Variants in GLYR1 observed in about 807,000 individuals in gnomAD.
GLYR1 encodes the protein cytokine-like nuclear factor N-PAC.
Under a neutral mutation model 72.7 loss-of-function variants are expected in GLYR1, and 21 were observed. The ratio of observed to expected loss-of-function variants is 0.29; its 90% CI spans 0.20 to 0.42. The LOEUF (loss-of-function observed/expected upper bound fraction) is 0.42. GLYR1 is among the 10% of genes least tolerant of loss of function. The pLI, the probability that GLYR1 is intolerant of heterozygous loss-of-function variation, is 1.00. For synonymous variants in GLYR1, 392 were observed against 270.2 expected, an observed-to-expected ratio of 1.45 and a Z score of -4.42; for missense variants, 594 against 712.1, an observed-to-expected ratio of 0.83 and a Z score of 1.89.
chr16:4,821,591 C>G lies in GLYR1; in HGVS notation c.688G>C (p.Val230Leu), dbSNP rs754930805. The part of the protein sequence containing the change: ...FLLSQTEKPA[V>L]CYQAITKKLK... ...TTCTTCGTGATTGCCTGGTAACAGACAGCTGGCTAATGAAGGAGGAGGAAA... is the reference window on the plus strand; with the variant it reads ...TTCTTCGTGATTGCCTGGTAACAGAGAGCTGGCTAATGAAGGAGGAGGAAA... The change falls in exon 8 of 16, where the codon GTC becomes CTC. Residue 230 changes from valine to leucine, a missense_variant. This residue lies in a region of GLYR1 where 252 missense variants were observed against 211.3 expected (regional missense o/e 1.19). Transcript: ENST00000321919. 6.2e-7 allele frequency: 1 copy of G among 1,613,974 alleles called. No individual in the cohort carries two copies. Among genetic ancestry groups the G allele is most frequent in the South Asian group, 1.1e-5 (1 of 91,070 alleles).
intron 10 of GLYR1, 99 bp from the exon 11 acceptor site, chr16:4,814,746 C>A: frequency 2.1e-6 from 2 of 968,414 alleles, no homozygotes; most frequent in Non-Finnish European, 3.2e-6. Flanking sequence ...GGCGGCCTAC[C>A]AAGGCAGGAG....
chr16:4,827,696 C>T (rs563345162), intron 5 of GLYR1, among the ~76,000 whole-genome samples: 1 of 152,152 alleles, frequency 6.6e-6, no homozygotes, highest in South Asian at 2.1e-4. Context: ...GTCAGGAGAT[C>T]GACACCATCC....
At chr16:4,813,454 C>G (rs1683867035) in intron 12 of GLYR1, among the ~76,000 whole-genome samples, 1 of 152,194 alleles carries the variant, frequency 6.6e-6, no homozygotes, top group Non-Finnish European at 1.5e-5. Context: ...GACAGCTGCT[C>G]AAACCCCAAT....
intron 13 of GLYR1, 50 bp from the exon 14 acceptor site, chr16:4,811,852 G>T (rs755201543): frequency 3.8e-6 from 6 of 1,570,428 alleles, no homozygotes; most frequent in Non-Finnish European, 5.2e-6. Context: ...CCACAGACAG[G>T]GCTTCTCTGT....
At position 4,832,872 on chromosome 16, in the gene GLYR1, G is replaced by A. The variant is rs752513322; in HGVS notation, c.196C>T (p.His66Tyr). The change falls in exon 4 of 16, where the codon CAT (histidine) becomes TAT (tyrosine). Residue 66 changes from histidine (H) to tyrosine (Y), a missense_variant. Physicochemically the swap from His to Tyr is moderately conservative, Grantham distance 83 (BLOSUM62 2). Transcript: ENST00000321919. ...TTAATTTTTATCATTTCCTCTTTAT[G>A]AGCATGATATGGCTTCAGCTGTTCC... Reference protein sequence around the residue: ...KVEQLKPYHAHKEEMIKINKG... With the variant: ...KVEQLKPYHAYKEEMIKINKG... 13 of 1,613,308 alleles carry A rather than the reference G, an allele frequency of 8.1e-6. No individual in the cohort carries two copies. The Admixed American group carries it at 1.7e-4, about 21-fold the overall frequency.
intron 5 of GLYR1, 69 bp downstream of exon 5, chr16:4,831,910 G>A: frequency 1.9e-6 from 3 of 1,557,312 alleles, no homozygotes; most frequent in East Asian, 2.2e-5. Flanking sequence ...TAAGCATACT[G>A]TAGAGCTTAA....
chr16:4,817,888 T>C (rs2083750298), intron 9 of GLYR1, 191 bp from the exon 10 acceptor site: 3 of 569,812 alleles, frequency 5.3e-6, no homozygotes, highest in East Asian at 3.0e-5. Flanking sequence ...TATGCCATGG[T>C]CTAAAGCTGT....
chr16:4,808,546 C>T (rs972252260), intron 15 of GLYR1, among the ~76,000 whole-genome samples: 2 of 151,108 alleles, frequency 1.3e-5, no homozygotes, highest in East Asian at 2.0e-4. Flanking sequence ...TGCAGTGAGC[C>T]GAGATTACAC....
chr16:4,813,651 G>T, intron 12 of GLYR1, 86 bp downstream of exon 12: 3 of 1,175,944 alleles, frequency 2.6e-6, no homozygotes, highest in Non-Finnish European at 3.7e-6. Context: ...TGGCTCTAGA[G>T]TAACTTAACT....
chr16:4,826,627 G>T (rs2084394954), intron 5 of GLYR1, among the ~76,000 whole-genome samples: 1 of 152,152 alleles, frequency 6.6e-6, no homozygotes, highest in South Asian at 2.1e-4. Flanking sequence ...AGGTTTTTGG[G>T]GGAAAAGAAA....
chr16:4,831,446 C>T (rs148359803), intron 5 of GLYR1, among the ~76,000 whole-genome samples: 28 of 152,258 alleles, frequency 1.8e-4, no homozygotes, highest in African/African-American at 4.6e-4. Context: ...TCCTTTTTCT[C>T]GGCTTTCCTC....
intron 3 of GLYR1, among the ~76,000 whole-genome samples, chr16:4,835,587 T>C (rs953271389): frequency 1.3e-5 from 2 of 152,168 alleles, no homozygotes; most frequent in African/African-American, 4.8e-5. Flanking sequence ...TCCTAGCACT[T>C]TGGGAGGCCG....
intron 11 of GLYR1, 167 bp from the exon 12 acceptor site, chr16:4,814,005 C>T (rs576312968): frequency 4.5e-5 from 23 of 511,704 alleles, no homozygotes; most frequent in African/African-American, 1.4e-4. Flanking sequence ...AAGTACTTCC[C>T]GCATGCTCCC....
chr16:4,847,066 GC>G (rs1242909478), intron 1 of GLYR1, 161 bp downstream of exon 1: 2 of 670,422 alleles, frequency 3.0e-6, no homozygotes, highest in African/African-American at 3.7e-5. Flanking sequence ...GGACTGGACT[GC>G]CCCTTCCGCC....
chr16:4,804,967 G>A lies in GLYR1; in HGVS notation c.*269C>T. 1 of 541,442 alleles carries A rather than the reference G, an allele frequency of 1.8e-6. No homozygotes were observed. The highest frequency in any genetic ancestry group is 3.4e-6 in the Non-Finnish European group (1 of 298,048). 33.5% of individuals were successfully genotyped at this position (541,442 alleles called of 1,614,324 possible). On this transcript the variant is annotated 3_prime_UTR_variant, in exon 16 of 16. Transcript: ENST00000321919. ...TGTGTGTGTGTGTGTGTGTGTGTGT[G>A]TGTGAACACACAGCCACCTCGTCCG...
chr16:4,811,701 C>T lies in GLYR1; in HGVS notation c.1384G>A (p.Gly462Ser), dbSNP rs1438956487. 1.2e-6 allele frequency: 2 copies of T among 1,614,104 alleles called. No individual in the cohort carries two copies. Among genetic ancestry groups the T allele is most frequent in the African/African-American group, 1.3e-5 (1 of 74,934 alleles). Reference sequence around the variant, plus strand: ...TCCAAGAGTGTCTGCTGGGACTGGCCTGTCACCTGGGCCAGGGTCAGCCCC... The same window carrying T: ...TCCAAGAGTGTCTGCTGGGACTGGCTTGTCACCTGGGCCAGGGTCAGCCCC... ...AEGLTLAQVT[G>S]QSQQTLLDIL... is the part of the protein sequence containing the mutation. The change falls in exon 14 of 16, where the codon GGC becomes AGC. Residue 462 changes from glycine to serine, a missense_variant. By Grantham distance (56) the Gly-to-Ser change is moderately conservative (BLOSUM62 0). Around this residue, in one of 5 missense-constraint regions of GLYR1, gnomAD observed 266 missense variants for 358.4 expected, o/e 0.74. Transcript: ENST00000321919.
chr16:4,810,801 GAAAA>G (rs2083284861), intron 15 of GLYR1, among the ~76,000 whole-genome samples: 1 of 141,000 alleles, frequency 7.1e-6, no homozygotes, highest in African/African-American at 2.7e-5. Flanking sequence ...AAAAGAAAAA[GAAAA>G]AGAAAAAGAA....
intron 13 of GLYR1, 89 bp downstream of exon 13, chr16:4,811,996 GA>G: frequency 6.6e-7 from 1 of 1,507,500 alleles, no homozygotes; most frequent in Non-Finnish European, 8.9e-7. Flanking sequence ...GTCCCCGGCA[GA>G]AAGGCCGTGT....
intron 3 of GLYR1, among the ~76,000 whole-genome samples, chr16:4,837,844 T>C (rs2085253129): frequency 6.6e-6 from 1 of 151,682 alleles, no homozygotes; most frequent in Non-Finnish European, 1.5e-5. Flanking sequence ...GGCAGGATAA[T>C]CGCTTGAACC....
Sources: allele counts gnomAD v4.1 joint callset (sites outside exome capture counted in the v4.1 genomes callset), GRCh38; gene constraint gnomAD v4.1.1; regional missense constraint gnomAD v4.1.1; transcripts MANE v1.5; gene names NCBI Gene and HGNC (gene_info 2026-07-23, HGNC 2026-07-21).